Variants in CMTM8 observed in about 807,000 individuals in gnomAD.
The protein encoded by CMTM8 is CKLF like MARVEL transmembrane domain containing 8.
A neutral mutation model predicts 18.6 loss-of-function variants in CMTM8; 12 were observed. That is an observed-to-expected ratio of 0.65 (90% CI 0.41 to 1.05). The LOEUF (loss-of-function observed/expected upper bound fraction) is 1.05, where lower values mean the gene tolerates loss of function less well. Among genes scored for constraint, CMTM8 ranks in the 50% least tolerant of loss-of-function variants. The pLI is 0.00. For synonymous variants in CMTM8, 87 were observed against 90.6 expected (o/e 0.96, Z 0.23); for missense variants, 217 against 227.2 (o/e 0.95, Z 0.29).
intron 1 of CMTM8, among the ~76,000 whole-genome samples, chr3:32,349,489 G>T (rs1421956989): frequency 6.6e-6 from 1 of 152,058 alleles, no homozygotes; most frequent in East Asian, 1.9e-4. Context: ...TCAACTGTGC[G>T]CCTCAATCCA....
chr3:32,263,136 G>A (rs1427504714), intron 1 of CMTM8, among the ~76,000 whole-genome samples: 1 of 152,130 alleles, frequency 6.6e-6, no homozygotes, highest in Non-Finnish European at 1.5e-5. Context: ...TGAGATCTGA[G>A]AACGGACAGA....
chr3:32,275,977 T>C (rs1031592388), intron 1 of CMTM8, among the ~76,000 whole-genome samples: 1 of 152,132 alleles, frequency 6.6e-6, no homozygotes, highest in Non-Finnish European at 1.5e-5. Flanking sequence ...AGAGCCCGTA[T>C]TCTCTTGCCC....
chr3:32,359,789 C>T (rs1696887319), intron 2 of CMTM8, among the ~76,000 whole-genome samples: 1 of 152,132 alleles, frequency 6.6e-6, no homozygotes, highest in Non-Finnish European at 1.5e-5. Flanking sequence ...TCTTCCGGCA[C>T]CCCTGGTTTT....
At chr3:32,252,979 A>G (rs937348154) in intron 1 of CMTM8, among the ~76,000 whole-genome samples, 1 of 152,202 alleles carries the variant, frequency 6.6e-6, no homozygotes, top group Non-Finnish European at 1.5e-5. Flanking sequence ...TTTGAGCAGT[A>G]TGAATGGGAA....
intron 1 of CMTM8, among the ~76,000 whole-genome samples, chr3:32,278,285 T>TGGCCA (rs1425567406): frequency 2.0e-5 from 3 of 152,208 alleles, no homozygotes; most frequent in Non-Finnish European, 4.4e-5. Flanking sequence ...CTCATCTACG[T>TGGCCA]GGCCATGTGA....
At chr3:32,267,137 C>T (rs9681170) in intron 1 of CMTM8, among the ~76,000 whole-genome samples, 148,996 of 152,190 alleles carry the variant, frequency 0.98, 73,011 homozygotes, top group East Asian at 1. Flanking sequence ...GAGCCCGCAT[C>T]GCCAAGTCAA....
chr3:32,289,317 A>G (rs4484229), intron 1 of CMTM8, among the ~76,000 whole-genome samples: 55,610 of 152,108 alleles, frequency 0.37, 10,639 homozygotes, highest in Admixed American at 0.49. Flanking sequence ...GTGCTAAACA[A>G]AACTGTCTTT....
chr3:32,302,092 G>T (rs376387694), intron 1 of CMTM8, among the ~76,000 whole-genome samples: 7 of 151,662 alleles, frequency 4.6e-5, no homozygotes, highest in African/African-American at 9.7e-5. Context: ...CAACGCTTTG[G>T]GGGGCCAAGG....
chr3:32,341,912 C>T (rs1696504890), intron 1 of CMTM8, among the ~76,000 whole-genome samples: 1 of 151,794 alleles, frequency 6.6e-6, no homozygotes, highest in African/African-American at 2.4e-5. Context: ...TTTTTTAACT[C>T]ACTGTGCCTT....
At chr3:32,354,782 T>G (rs1490648443) in intron 1 of CMTM8, among the ~76,000 whole-genome samples, 2 of 152,222 alleles carry the variant, frequency 1.3e-5, no homozygotes, top group Non-Finnish European at 2.9e-5. Flanking sequence ...CATGCTGCAT[T>G]ACATCTATTA....
Position 32,370,007 on chromosome 3 carries a change from C to G in CMTM8, c.*40C>G. The G allele has an allele frequency of 1.6e-6, 2 of 1,243,396 alleles. No homozygotes were observed. The highest frequency in any genetic ancestry group is 2.3e-6 in the Non-Finnish European group (2 of 867,530). 77.0% of individuals were successfully genotyped at this position (1,243,396 alleles called of 1,614,324 possible). A position where few individuals can be genotyped will look rare whatever the true frequency, so the allele number is the denominator to read the frequency against. On this transcript the variant is annotated 3_prime_UTR_variant, in exon 4 of 4. Transcript: ENST00000307526. ...AATTAAAAGGAAAAAAAAAGGAAGA[C>G]TCTCACTGTAAAAACAGCTGTAGGT...
intron 2 of CMTM8, among the ~76,000 whole-genome samples, chr3:32,363,674 C>A (rs528073992): frequency 6.6e-6 from 1 of 152,188 alleles, no homozygotes; most frequent in Non-Finnish European, 1.5e-5. Flanking sequence ...ATCCTGCAGC[C>A]CTTCTTCTAG....
chr3:32,367,824 T>A, intron 2 of CMTM8, 48 bp from the exon 3 acceptor site: 2 of 1,317,090 alleles, frequency 1.5e-6, no homozygotes, highest in South Asian at 2.4e-5. Context: ...TCCAGAGGTA[T>A]GCAGACCCTC....
chr3:32,345,517 C>T (rs1051726526), intron 1 of CMTM8, among the ~76,000 whole-genome samples: 17 of 152,082 alleles, frequency 1.1e-4, no homozygotes, highest in Non-Finnish European at 8.8e-5. Flanking sequence ...GTTAGTAATA[C>T]TGTATTTAAT....
chr3:32,295,455 C>CA (rs1400148634), intron 1 of CMTM8, among the ~76,000 whole-genome samples: 436 of 27,486 alleles, frequency 0.016, 49 homozygotes, highest in Middle Eastern at 0.056. Flanking sequence ...GACTCCATCT[C>CA]AAAAAAAAAA....
chr3:32,244,296 C>G (rs1304201002), intron 1 of CMTM8, among the ~76,000 whole-genome samples: 1 of 152,178 alleles, frequency 6.6e-6, no homozygotes, highest in East Asian at 1.9e-4. Flanking sequence ...CTCGAACAGT[C>G]CTCCCGCCAC....
At chr3:32,328,461 GGCTGCAGTGAGCTCTGATCGTGCC>G (rs1009881102) in intron 1 of CMTM8, among the ~76,000 whole-genome samples, 20 of 56,154 alleles carry the variant, frequency 3.6e-4, no homozygotes, top group Non-Finnish European at 8.4e-4. Context: ...CAAGGCTCAA[GGCTGCAGTGAGCTCTGATCGTGCC>G]GCTGCAGTGA....
At chr3:32,317,635 T>C (rs1201404370) in intron 1 of CMTM8, among the ~76,000 whole-genome samples, 1 of 152,140 alleles carries the variant, frequency 6.6e-6, no homozygotes, top group African/African-American at 2.4e-5. Flanking sequence ...AAGTGTCGTG[T>C]GTAAAGGTGA....
Position 32,311,107 on chromosome 3 carries a change from C to T in CMTM8, c.148-46266C>T, listed in dbSNP as rs111867679. ...AGACACAAAAGAGTATATACGGTATCGGGGATGGTCAGCAAACCACAGCCT... is the reference window on the plus strand; with the variant it reads ...AGACACAAAAGAGTATATACGGTATTGGGGATGGTCAGCAAACCACAGCCT... On this transcript the variant is annotated intron_variant, in intron 1 of 3. Coordinates refer to ENST00000307526, the MANE Select transcript of CMTM8 (RefSeq NM_178868.5). Among the ~76,000 whole-genome samples, 371 of 152,246 alleles carry T rather than the reference C, an allele frequency of 2.4e-3. 1 individual carries two copies. The highest frequency in any genetic ancestry group is 7.2e-3 in the African/African-American group (298 of 41,544).
Sources: gnomAD v4.1 joint callset for allele counts (sites outside exome capture counted in the v4.1 genomes callset) on GRCh38, gnomAD v4.1.1 for gene constraint, MANE v1.5 for transcripts, NCBI Gene and HGNC (gene_info 2026-07-23, HGNC 2026-07-21) for gene names.